The following TMEM169 variants were observed in gnomAD, a reference collection of about 807,000 sequenced individuals.
TMEM169 encodes transmembrane protein 169.
A neutral mutation model predicts 27.3 loss-of-function variants in TMEM169; 18 were observed. The observed-to-expected ratio is 0.66, with a 90% CI of 0.46 to 0.98. TMEM169 has a LOEUF of 0.98. Among genes scored for constraint, TMEM169 ranks in the 50% least tolerant of loss-of-function variants. TMEM169 has a pLI of 0.00. For missense variants in TMEM169, 320 were observed against 368.6 expected, an observed-to-expected ratio of 0.87 and a Z score of 1.08; for synonymous variants, 136 against 142.1, an observed-to-expected ratio of 0.96 and a Z score of 0.30.
intron 1 of TMEM169, among the ~76,000 whole-genome samples, chr2:216,087,247 TCAGATA>T (rs1451665891): frequency 6.6e-6 from 1 of 152,186 alleles, no homozygotes; most frequent in Non-Finnish European, 1.5e-5. Flanking sequence ...AGACAGGCCT[TCAGATA>T]TATTTTAGTC....
chr2:216,089,846 C>T (rs533096610), intron 1 of TMEM169, among the ~76,000 whole-genome samples: 1 of 152,292 alleles, frequency 6.6e-6, no homozygotes, highest in South Asian at 2.1e-4. Flanking sequence ...CTATATTTAA[C>T]GCATTGAACC....
chr2:216,097,471 A>G (rs1417185298), intron 2 of TMEM169, among the ~76,000 whole-genome samples: 3 of 152,164 alleles, frequency 2.0e-5, no homozygotes, highest in Non-Finnish European at 4.4e-5. Context: ...GAATTGCTTT[A>G]ACCTGGGAGG....
rs1696423383 is a variant in TMEM169 at position 216,102,686 on chromosome 2, T to G, written c.*2144T>G. ...AGAAAAAAAAAGTGCCCAACAGTTT[T>G]AGTGTTAATCTTGGTGCTCTATGGT... On this transcript the variant is annotated 3_prime_UTR_variant, in exon 3 of 3. Coordinates refer to ENST00000437356, the MANE Select transcript of TMEM169 (RefSeq NM_001142311.2). The G allele has an allele frequency of 6.6e-6, 1 of 152,460 alleles. No individual in the cohort carries two copies. Among genetic ancestry groups the G allele is most frequent in the Non-Finnish European group, 1.5e-5 (1 of 68,030 alleles). The allele number at this position is 152,460 out of a possible 1,614,324, so 9.4% of individuals were successfully genotyped here.
At position 216,099,818 on chromosome 2, in the gene TMEM169, A is replaced by T. The variant is rs942908791; in HGVS notation, c.272-102A>T. 4.0e-6 allele frequency: 6 copies of T among 1,484,574 alleles called. No homozygotes were observed. In the African/African-American group the frequency reaches 8.5e-5, roughly 21 times the overall value. The allele number at this position is 1,484,574 out of a possible 1,614,324, so 92.0% of individuals were successfully genotyped here. ...CTCAGGACTGTGCCAGATGGTGTAA[A>T]AAAGGCTACTCTTGTCCTCATGCCC... On this transcript the variant is annotated intron_variant, in intron 2 of 2. Coordinates refer to ENST00000437356, the MANE Select transcript of TMEM169 (RefSeq NM_001142311.2). The surrounding 1 kb of genome is among the most constrained non-coding windows in gnomAD (Gnocchi z 5.0).
chr2:216,099,012 T>G lies in TMEM169; in HGVS notation c.272-908T>G, dbSNP rs1051836696. Among the ~76,000 whole-genome samples, 7 of 149,200 alleles carry G rather than the reference T, an allele frequency of 4.7e-5. No homozygotes were observed. Among genetic ancestry groups the G allele is most frequent in the Non-Finnish European group, 8.9e-5 (6 of 67,278 alleles). On this transcript the variant is annotated intron_variant, in intron 2 of 2. Transcript: ENST00000437356. The surrounding 1 kb of genome is among the most constrained non-coding windows in gnomAD (Gnocchi z 5.0). ...GTGTAGTGTATATATGTGGAATGTG[T>G]GGGGGGCAGCATTTGTGTGCATGTA...
In TMEM169 at chr2:216,094,210, G is replaced by T. The variant is rs144992574; in HGVS notation, c.-126-1628G>T. Among the ~76,000 whole-genome samples, 47 of 152,308 alleles carry T rather than the reference G, an allele frequency of 3.1e-4. No homozygotes were observed. The East Asian group carries it at 6.7e-3, about 22-fold the overall frequency. ...TGGGGCGGCAGGGTTGTGAGTAGAA[G>T]CTTGCGATTCTGAATAATATGCACA... On this transcript the variant is annotated intron_variant, in intron 1 of 2. Coordinates refer to ENST00000437356, the MANE Select transcript of TMEM169 (RefSeq NM_001142311.2).
At chr2:216,082,059 A>C in intron 1 of TMEM169, 80 bp downstream of exon 1, 1 of 332,766 alleles carries the variant, frequency 3.0e-6, no homozygotes, top group Non-Finnish European at 5.6e-6. Context: ...AAAAAAGAAG[A>C]AGAAAGAAAC....
chr2:216,100,562 C>T lies in TMEM169; in HGVS notation c.*20C>T, dbSNP rs2105990374. Reference sequence around the variant, plus strand: ...GTCTAAACTCCCAACAACTTACTCCCTCCTCTGGCCCCAGTAGCCTATATA... The same window carrying T: ...GTCTAAACTCCCAACAACTTACTCCTTCCTCTGGCCCCAGTAGCCTATATA... On this transcript the variant is annotated 3_prime_UTR_variant, in exon 3 of 3. Coordinates refer to ENST00000437356, the MANE Select transcript of TMEM169 (RefSeq NM_001142311.2). 1 of 1,613,772 alleles carries T rather than the reference C, an allele frequency of 6.2e-7. No homozygotes were observed. Among genetic ancestry groups the T allele is most frequent in the South Asian group, 1.1e-5 (1 of 91,084 alleles).
rs901662043 is a variant in TMEM169 at position 216,095,101 on chromosome 2, T to TTTTC, written c.-126-729_-126-726dup. Among the ~76,000 whole-genome samples the TTTTC allele has an allele frequency of 1.6e-5, 2 of 125,288 alleles. 1 individual carries two copies. The highest frequency in any genetic ancestry group is 7.2e-5 in the African/African-American group (2 of 27,732). 82.2% of individuals were successfully genotyped at this position (125,288 alleles called of 152,430 possible). A position where few individuals can be genotyped will look rare whatever the true frequency, so the allele number is the denominator to read the frequency against. On this transcript the variant is annotated intron_variant, in intron 1 of 2. Transcript: ENST00000437356. ...CTGGTCCCAGCCACCTATGGTTCTT[T>TTTTC]TTTCTTTCTTTTTTTTTTTTTTGAC...
At chr2:216,093,894 A>G (rs1696197924) in intron 1 of TMEM169, among the ~76,000 whole-genome samples, 1 of 152,222 alleles carries the variant, frequency 6.6e-6, no homozygotes, top group South Asian at 2.1e-4. Flanking sequence ...ATTTGCTTCA[A>G]AATGAATGGA....
chr2:216,098,052 G>T (rs1696301918), intron 2 of TMEM169, among the ~76,000 whole-genome samples: 2 of 151,922 alleles, frequency 1.3e-5, no homozygotes, highest in South Asian at 2.1e-4. Context: ...TAAGAGGGAG[G>T]ATGGTGAGAG....
Position 216,099,840 on chromosome 2 carries a change from G to T in TMEM169, c.272-80G>T. ...TAAAAAAGGCTACTCTTGTCCTCAT[G>T]CCCAGCCTGGGAGGGTGCAACATGG... On this transcript the variant is annotated intron_variant, in intron 2 of 2. Coordinates refer to ENST00000437356, the MANE Select transcript of TMEM169 (RefSeq NM_001142311.2). This position sits in a 1 kb window ranked among gnomAD's most constrained non-coding sequence, Gnocchi z 5.0. 1 of 1,535,190 alleles carries T rather than the reference G, an allele frequency of 6.5e-7. No individual in the cohort carries two copies. Among genetic ancestry groups the T allele is most frequent in the Non-Finnish European group, 8.7e-7 (1 of 1,145,544 alleles).
chr2:216,090,166 A>C (rs1574431945), intron 1 of TMEM169, among the ~76,000 whole-genome samples: 1 of 152,312 alleles, frequency 6.6e-6, no homozygotes, highest in Admixed American at 6.5e-5. Context: ...TATCAGAGAG[A>C]GTAAAGTGGC....
chr2:216,082,033 G>A, intron 1 of TMEM169, 54 bp downstream of exon 1: 2 of 380,408 alleles, frequency 5.3e-6, no homozygotes, highest in South Asian at 3.2e-5. Context: ...GAGGGTGGAA[G>A]GGAAATGCAA....
At position 216,099,793 on chromosome 2, in the gene TMEM169, C is replaced by T; in HGVS notation, c.272-127C>T. 1.5e-6 allele frequency: 2 copies of T among 1,308,132 alleles called. No individual in the cohort carries two copies. Among genetic ancestry groups the T allele is most frequent in the Non-Finnish European group, 2.1e-6 (2 of 952,474 alleles). The allele number at this position is 1,308,132 out of a possible 1,614,324, so 81.0% of individuals were successfully genotyped here. On this transcript the variant is annotated intron_variant, in intron 2 of 2. Transcript: ENST00000437356. This position sits in a 1 kb window ranked among gnomAD's most constrained non-coding sequence, Gnocchi z 5.0. ...ACTCAGTCCGCCATTGAATCACTGA[C>T]TCAGGACTGTGCCAGATGGTGTAAA... is the stretch of plus-strand genomic sequence containing the variant.
At chr2:216,095,109 C>CTTTTTTTTTTTTTTTTTTTTTTTTTTTTT (rs71047975) in intron 1 of TMEM169, among the ~76,000 whole-genome samples, 1 of 110,484 alleles carries the variant, frequency 9.1e-6, no homozygotes. Context: ...TTTTTTCTTT[C>CTTTTTTTTTTTTTTTTTTTTTTTTTTTTT]TTTTTTTTTT....
In TMEM169 at chr2:216,099,754, C is replaced by T. The variant is rs1696342307; in HGVS notation, c.272-166C>T. On this transcript the variant is annotated intron_variant, in intron 2 of 2. Transcript: ENST00000437356. The surrounding 1 kb of genome is among the most constrained non-coding windows in gnomAD (Gnocchi z 5.0). ...GAGCAATAACACCAGTGGTCACTCT[C>T]CCGAGGGAGACCCACTCAGTCCGCC... Among the ~76,000 whole-genome samples, 3 of 152,102 alleles carry T rather than the reference C, an allele frequency of 2.0e-5. No homozygotes were observed. The highest frequency in any genetic ancestry group is 4.8e-5 in the African/African-American group (2 of 41,390).
At chr2:216,095,612 TG>T (rs746205830) in intron 1 of TMEM169, among the ~76,000 whole-genome samples, 1 of 152,208 alleles carries the variant, frequency 6.6e-6, no homozygotes, top group Non-Finnish European at 1.5e-5. Context: ...TTCCTTCACA[TG>T]GGTTTTGCCA....
At chr2:216,097,014 TC>T (rs1696279179) in intron 2 of TMEM169, among the ~76,000 whole-genome samples, 1 of 152,224 alleles carries the variant, frequency 6.6e-6, no homozygotes, top group Admixed American at 6.5e-5. Context: ...TGGATATACT[TC>T]ATGCACCTTA....
Sources: gnomAD v4.1 joint callset for allele counts (sites outside exome capture counted in the v4.1 genomes callset) on GRCh38, gnomAD v4.1.1 for gene constraint, Gnocchi (gnomAD v3.1) non-coding constraint, MANE v1.5 for transcripts, NCBI Gene and HGNC (gene_info 2026-07-23, HGNC 2026-07-21) for gene names.